Variants in STUM observed in about 807,000 individuals in gnomAD.
STUM encodes the protein stum, mechanosensory transduction mediator homolog.
STUM carries 8 observed loss-of-function variants against 15.3 expected under a neutral mutation model. The ratio of observed to expected loss-of-function variants is 0.52; its 90% CI spans 0.31 to 0.94. The LOEUF (loss-of-function observed/expected upper bound fraction) is 0.94. STUM is among the 40% of genes least tolerant of loss of function. The pLI is 0.05. For missense variants in STUM, 142 were observed against 204.9 expected (o/e 0.69, Z 1.87); for synonymous variants, 78 against 88.7 (o/e 0.88, Z 0.68).
chr1:226,579,628 C>CTTTT (rs772749044), intron 1 of STUM, among the ~76,000 whole-genome samples: 5 of 132,214 alleles, frequency 3.8e-5, no homozygotes, highest in African/African-American at 1.4e-4. Flanking sequence ...GGCCTTATTT[C>CTTTT]TTTTTCTTTT....
chr1:226,551,149 C>T (rs898583391), intron 1 of STUM, among the ~76,000 whole-genome samples: 5 of 151,948 alleles, frequency 3.3e-5, no homozygotes, highest in South Asian at 2.1e-4. Flanking sequence ...CCTCTCCACA[C>T]GGAATGAGGG....
At chr1:226,589,284 T>C (rs1240005090) in intron 1 of STUM, among the ~76,000 whole-genome samples, 1 of 152,154 alleles carries the variant, frequency 6.6e-6, no homozygotes, top group Non-Finnish European at 1.5e-5. Context: ...GCCCCCTTCC[T>C]GATGGGAGAC....
chr1:226,555,275 C>G (rs565433453), intron 1 of STUM, among the ~76,000 whole-genome samples: 33 of 152,184 alleles, frequency 2.2e-4, no homozygotes, highest in Non-Finnish European at 4.3e-4. Flanking sequence ...ATGATGATGA[C>G]TCCCCAGTTT....
rs183167039 is a variant in STUM at position 226,552,745 on chromosome 1, C to G, written c.202+3639C>G. Among the ~76,000 whole-genome samples, 2 of 152,314 alleles carry G rather than the reference C, an allele frequency of 1.3e-5. No homozygotes were observed. The highest frequency in any genetic ancestry group is 3.9e-4 in the East Asian group (2 of 5,178). On this transcript the variant is annotated intron_variant, in intron 1 of 3. Coordinates refer to ENST00000366788, the MANE Select transcript of STUM (RefSeq NM_001003665.4). This position sits in a 1 kb window ranked among gnomAD's most constrained non-coding sequence, Gnocchi z 4.7. ...ACCACAGGCTGGCTCTGCTTCTTCT[C>G]TCTCTCTTTCCTCTAGACCCAAGGC...
rs1212325704 is a variant in STUM at position 226,565,524 on chromosome 1, T to C, written c.202+16418T>C. On this transcript the variant is annotated intron_variant, in intron 1 of 3. Transcript: ENST00000366788. This position sits in a 1 kb window ranked among gnomAD's most constrained non-coding sequence, Gnocchi z 4.4. ...ATGTTGGTTTCTAACACAGTCTTCC[T>C]CCTAGAAGCTCTGAAACAGCCAGTA... is the stretch of plus-strand genomic sequence containing the variant. Among the ~76,000 whole-genome samples the C allele has an allele frequency of 1.3e-5, 2 of 152,188 alleles. No homozygotes were observed. Among genetic ancestry groups the C allele is most frequent in the East Asian group, 3.8e-4 (2 of 5,198 alleles).
chr1:226,575,033 T>TA (rs1667786545), intron 1 of STUM, among the ~76,000 whole-genome samples: 1 of 152,042 alleles, frequency 6.6e-6, no homozygotes, highest in Admixed American at 6.5e-5. Context: ...GAACTCTGCA[T>TA]ATGTGGACTC....
chr1:226,559,789 T>C (rs1339498944), intron 1 of STUM, among the ~76,000 whole-genome samples: 1 of 152,104 alleles, frequency 6.6e-6, no homozygotes, highest in Non-Finnish European at 1.5e-5. Flanking sequence ...CTGGCTAACA[T>C]CGTGAAACCC....
At chr1:226,571,969 G>A (rs868433473) in intron 1 of STUM, among the ~76,000 whole-genome samples, 7 of 152,062 alleles carry the variant, frequency 4.6e-5, no homozygotes, top group Non-Finnish European at 7.4e-5. Flanking sequence ...CTCCTACTTC[G>A]CACTTCTGAG....
rs963064488 is a variant in STUM, at chr1:226,552,034, C to T, written c.202+2928C>T. 9.9e-5 allele frequency among the ~76,000 whole-genome samples: 15 copies of T among 152,162 alleles called. No individual in the cohort carries two copies. The highest frequency in any genetic ancestry group is 3.6e-4 in the African/African-American group (15 of 41,420). On this transcript the variant is annotated intron_variant, in intron 1 of 3. Coordinates refer to ENST00000366788, the MANE Select transcript of STUM (RefSeq NM_001003665.4). The surrounding 1 kb of genome is among the most constrained non-coding windows in gnomAD (Gnocchi z 4.7). Reference sequence around the variant, plus strand: ...TCCCTGCAAGTCCTCTCCTGGATTGCAGATTGGATGAGAGGGCAGTTTTTG... The same window carrying T: ...TCCCTGCAAGTCCTCTCCTGGATTGTAGATTGGATGAGAGGGCAGTTTTTG...
At position 226,565,663 on chromosome 1, in the gene STUM, AGGCGT is replaced by A. The variant is rs1463056754; in HGVS notation, c.202+16559_202+16563del. Among the ~76,000 whole-genome samples the A allele has an allele frequency of 6.6e-6, 1 of 152,104 alleles. No homozygotes were observed. Among genetic ancestry groups the A allele is most frequent in the East Asian group, 1.9e-4 (1 of 5,186 alleles). Reference sequence around the variant, plus strand: ...AGGGGTGGAGACTTGAGAAGGTGCTAGGCGTGACTCCCTGCCCGGCTCCTGCCTGG... The same window carrying A: ...AGGGGTGGAGACTTGAGAAGGTGCTAGACTCCCTGCCCGGCTCCTGCCTGG... On this transcript the variant is annotated intron_variant, in intron 1 of 3. Transcript: ENST00000366788. The surrounding 1 kb of genome is among the most constrained non-coding windows in gnomAD (Gnocchi z 4.4).
intron 1 of STUM, among the ~76,000 whole-genome samples, chr1:226,559,542 T>C (rs1008848478): frequency 6.6e-6 from 1 of 152,190 alleles, no homozygotes; most frequent in Non-Finnish European, 1.5e-5. Context: ...GGAGGACAAC[T>C]GCACAGCCAC....
In STUM at chr1:226,567,604, G is replaced by A. The variant is rs934805435; in HGVS notation, c.202+18498G>A. Among the ~76,000 whole-genome samples, 2 of 152,194 alleles carry A rather than the reference G, an allele frequency of 1.3e-5. No individual in the cohort carries two copies. Among genetic ancestry groups the A allele is most frequent in the African/African-American group, 4.8e-5 (2 of 41,430 alleles). On this transcript the variant is annotated intron_variant, in intron 1 of 3. Transcript: ENST00000366788. The surrounding 1 kb of genome is among the most constrained non-coding windows in gnomAD (Gnocchi z 4.5). ...CAGTAAACTTTATTTCCCAGAGAAT[G>A]AGCTATACAAAGAGATCGAGGGAGG...
At chr1:226,550,511 ACCTGC>A (rs1319740017) in intron 1 of STUM, among the ~76,000 whole-genome samples, 1 of 151,224 alleles carries the variant, frequency 6.6e-6, no homozygotes, top group Non-Finnish European at 1.5e-5. Context: ...AGAAATTCTC[ACCTGC>A]TGGAGTAAAA....
At chr1:226,554,649 T>C (rs1384385836) in intron 1 of STUM, among the ~76,000 whole-genome samples, 1 of 152,166 alleles carries the variant, frequency 6.6e-6, no homozygotes, top group East Asian at 1.9e-4. Flanking sequence ...ATAAGTGTAC[T>C]CTTTGGAGAC....
At chr1:226,578,881 G>T (rs1169677161) in intron 1 of STUM, among the ~76,000 whole-genome samples, 1 of 152,208 alleles carries the variant, frequency 6.6e-6, no homozygotes, top group African/African-American at 2.4e-5. Context: ...CTCAAGCAAC[G>T]AAATAAAAAA....
At chr1:226,584,011 A>G (rs79089752) in intron 1 of STUM, among the ~76,000 whole-genome samples, 1,627 of 152,318 alleles carry the variant, frequency 0.011, 15 homozygotes, top group Non-Finnish European at 0.018. Context: ...GTGGTGCGAA[A>G]AAAAAAACCA....
At chr1:226,578,181 CTT>C (rs1002393453) in intron 1 of STUM, among the ~76,000 whole-genome samples, 1 of 152,010 alleles carries the variant, frequency 6.6e-6, no homozygotes, top group Non-Finnish European at 1.5e-5. Context: ...CTCAAAATGT[CTT>C]TACGCGTCAT....
chr1:226,580,857 A>G (rs534146478), intron 1 of STUM, among the ~76,000 whole-genome samples: 2 of 152,368 alleles, frequency 1.3e-5, no homozygotes, highest in African/African-American at 2.4e-5. Context: ...CTCAGCTGCT[A>G]TAACAAAGAG....
Position 226,604,989 on chromosome 1 carries a change from TG to T in STUM, c.*2952del. 1 of 152,654 alleles carries T rather than the reference TG, an allele frequency of 6.6e-6. No homozygotes were observed. The highest frequency in any genetic ancestry group is 1.5e-5 in the Non-Finnish European group (1 of 68,278). The allele number at this position is 152,654 out of a possible 1,614,324, so 9.5% of individuals were successfully genotyped here. A position where few individuals can be genotyped will look rare whatever the true frequency, so the allele number is the denominator to read the frequency against. On this transcript the variant is annotated 3_prime_UTR_variant, in exon 4 of 4. Coordinates refer to ENST00000366788, the MANE Select transcript of STUM (RefSeq NM_001003665.4). This position sits in a 1 kb window ranked among gnomAD's most constrained non-coding sequence, Gnocchi z 4.7. ...GAGCCAGAGTGAGCTGTGGGTGGCC[TG>T]GGTGTGTCCTGTGGACGGCGGAGAC...
Sources: gnomAD v4.1 joint callset for allele counts (sites outside exome capture counted in the v4.1 genomes callset) on GRCh38, gnomAD v4.1.1 for gene constraint, Gnocchi (gnomAD v3.1) non-coding constraint, MANE v1.5 for transcripts, NCBI Gene and HGNC (gene_info 2026-07-23, HGNC 2026-07-21) for gene names.